KMT2C: variants seen among roughly 807,000 people sequenced by gnomAD.
The protein encoded by KMT2C is lysine methyltransferase 2C, also known as histone-lysine N-methyltransferase 2C.
KMT2C carries 88 observed loss-of-function variants against 507.9 expected under a neutral mutation model. The observed-to-expected ratio is 0.17, with a 90% confidence interval of 0.15 to 0.21. The LOEUF (loss-of-function observed/expected upper bound fraction) is 0.21. KMT2C is among the 10% of genes least tolerant of loss of function. The pLI, the probability that KMT2C is intolerant of heterozygous loss-of-function variation, is 1.00. For missense variants in KMT2C, 4,954 were observed against 5,957.8 expected, an observed-to-expected ratio of 0.83 and a Z score of 5.55; for synonymous variants, 2,049 against 2,080.8, an observed-to-expected ratio of 0.98 and a Z score of 0.42.
chr7:152,210,283 C>CA (rs1190967243), intron 23 of KMT2C, among the ~76,000 whole-genome samples: 1 of 152,166 alleles, frequency 6.6e-6, no homozygotes, highest in African/African-American at 2.4e-5. Context: ...CAAATCACCC[C>CA]ACTAAACTTA....
intron 3 of KMT2C, among the ~76,000 whole-genome samples, chr7:152,322,903 T>C (rs961043587): frequency 2.0e-5 from 3 of 151,968 alleles, no homozygotes; most frequent in African/African-American, 7.2e-5. Context: ...GGCCAACAGG[T>C]ACATGAGAAA....
intron 23 of KMT2C, among the ~76,000 whole-genome samples, 192 bp from the exon 24 acceptor site, chr7:152,207,620 C>A (rs2094344220): frequency 6.6e-6 from 1 of 152,026 alleles, no homozygotes; most frequent in African/African-American, 2.4e-5. Flanking sequence ...GTGCAGTGTT[C>A]CCATGAAATA....
At chr7:152,216,810 T>C (rs992361313) in intron 23 of KMT2C, among the ~76,000 whole-genome samples, 2 of 152,142 alleles carry the variant, frequency 1.3e-5, no homozygotes, top group Non-Finnish European at 2.9e-5. Flanking sequence ...AAGACAAGCA[T>C]GGGATTCTGT....
Position 152,398,906 on chromosome 7 carries a change from C to A in KMT2C, c.161+36720G>T, listed in dbSNP as rs1321234131. Among the ~76,000 whole-genome samples, 9 of 152,260 alleles carry A rather than the reference C, an allele frequency of 5.9e-5. No homozygotes were observed. In the East Asian group the frequency reaches 1.7e-3, roughly 29 times the overall value. ...GCAACAGCACAATCTTGACTCAATG[C>A]AACCTCCACCTCCTGGGCTCAAGGG... On this transcript the variant is annotated intron_variant, in intron 1 of 58. Transcript: ENST00000262189.
At chr7:152,357,423 C>G (rs933338666) in intron 2 of KMT2C, among the ~76,000 whole-genome samples, 1 of 152,058 alleles carries the variant, frequency 6.6e-6, no homozygotes, top group South Asian at 2.1e-4. Context: ...ATTAAGGAGG[C>G]TGACGCAGGA....
At chr7:152,265,509 A>T (rs1255440599) in intron 7 of KMT2C, among the ~76,000 whole-genome samples, 2 of 152,192 alleles carry the variant, frequency 1.3e-5, no homozygotes, top group African/African-American at 2.4e-5. Flanking sequence ...ATAATGCTGG[A>T]TACCTAATTA....
rs542942155 is a variant in KMT2C, at chr7:152,295,985, G to A, written c.849+13981C>T. ...CGGGAGGCTGAGGCAGGAGAATGGCGTGAACCCAGGAGACAGAGCTGGCAG... is the reference window on the plus strand; with the variant it reads ...CGGGAGGCTGAGGCAGGAGAATGGCATGAACCCAGGAGACAGAGCTGGCAG... On this transcript the variant is annotated intron_variant, in intron 6 of 58. Coordinates refer to ENST00000262189, the MANE Select transcript of KMT2C (RefSeq NM_170606.3). 2.1e-5 allele frequency among the ~76,000 whole-genome samples: 3 copies of A among 144,582 alleles called. 1 individual carries two copies. In the Admixed American group the frequency reaches 2.1e-4, roughly 10 times the overall value. The allele number at this position is 144,582 out of a possible 152,430, so 94.9% of individuals were successfully genotyped here.
Position 152,181,127 on chromosome 7 carries a change from G to A in KMT2C, c.6733C>T (p.Pro2245Ser), listed in dbSNP as rs2129119685. The A allele has an allele frequency of 6.2e-7, 1 of 1,614,186 alleles. No individual in the cohort carries two copies. Among genetic ancestry groups the A allele is most frequent in the South Asian group, 1.1e-5 (1 of 91,076 alleles). The stretch of plus-strand genomic sequence containing the variant: ...GCTTGCAGGAAAGGATCCTGATTTG[G>A]CATGAGGACTGGTCTTGTCATTGAG... ...RSSMTRPVLM[P>S]NQDPFLQAAQ... The change falls in exon 36 of 59, where the codon CCA (proline) becomes TCA (serine). Residue 2245 changes from proline to serine, a missense_variant. This residue lies in a region of KMT2C where 1,689 missense variants were observed against 1,654.3 expected (regional missense o/e 1.02). Transcript: ENST00000262189.
At chr7:152,360,676 A>C (rs1217807957) in intron 1 of KMT2C, among the ~76,000 whole-genome samples, 1 of 151,920 alleles carries the variant, frequency 6.6e-6, no homozygotes, top group Non-Finnish European at 1.5e-5. Flanking sequence ...ACTACTAAAA[A>C]AAATACAAAA....
chr7:152,169,770 G>A (rs2092880401), intron 40 of KMT2C, among the ~76,000 whole-genome samples: 1 of 152,158 alleles, frequency 6.6e-6, no homozygotes, highest in African/African-American at 2.4e-5. Flanking sequence ...GGCTACTTGG[G>A]AGGCTGAGGT....
intron 38 of KMT2C, among the ~76,000 whole-genome samples, chr7:152,175,268 C>T (rs1025954164): frequency 1.3e-5 from 2 of 151,918 alleles, no homozygotes; most frequent in African/African-American, 4.8e-5. Context: ...GCCTCTGTCT[C>T]CCGAATAACT....
intron 23 of KMT2C, among the ~76,000 whole-genome samples, chr7:152,217,154 T>C (rs1246746724): frequency 6.6e-6 from 1 of 152,110 alleles, no homozygotes; most frequent in East Asian, 1.9e-4. Flanking sequence ...TCACAAATTT[T>C]AGGTTTAATA....
chr7:152,389,870 A>T lies in KMT2C; in HGVS notation c.162-31195T>A, dbSNP rs181366389. Among the ~76,000 whole-genome samples, 11 of 152,342 alleles carry T rather than the reference A, an allele frequency of 7.2e-5. No homozygotes were observed. In the East Asian group the frequency reaches 1.9e-3, roughly 27 times the overall value. The stretch of plus-strand genomic sequence containing the variant: ...AAAGGTAAAAATATACAGCCATAAA[A>T]AAGAATGGAATCATGTCCTTCGCAG... On this transcript the variant is annotated intron_variant, in intron 1 of 58. Transcript: ENST00000262189.
chr7:152,214,558 T>G (rs1023165551), intron 23 of KMT2C, among the ~76,000 whole-genome samples: 9 of 152,234 alleles, frequency 5.9e-5, no homozygotes, highest in African/African-American at 1.9e-4. Context: ...TTTCCCCCTC[T>G]TAACCACAGT....
intron 3 of KMT2C, among the ~76,000 whole-genome samples, chr7:152,329,917 AG>A (rs1490875676): frequency 6.6e-6 from 1 of 152,004 alleles, no homozygotes; most frequent in African/African-American, 2.4e-5. Context: ...AAGCCGAGGC[AG>A]GTGGATCATG....
chr7:152,353,975 G>A (rs558651236), intron 2 of KMT2C, among the ~76,000 whole-genome samples: 2 of 143,094 alleles, frequency 1.4e-5, no homozygotes, highest in Admixed American at 6.7e-5. Flanking sequence ...AACTCTGTCT[G>A]GATTTGCAGG....
intron 1 of KMT2C, among the ~76,000 whole-genome samples, chr7:152,402,114 A>AAAAC (rs911760626): frequency 1.1e-5 from 1 of 88,578 alleles, no homozygotes; most frequent in Non-Finnish European, 2.3e-5. Context: ...CCGTCTCAAA[A>AAAAC]AAACAAACAA....
chr7:152,262,958 C>A, intron 9 of KMT2C, 58 bp downstream of exon 9: 1 of 1,287,316 alleles, frequency 7.8e-7, no homozygotes, highest in East Asian at 2.4e-5. Context: ...TCCGATTTGT[C>A]TGGTCTCCAT....
intron 3 of KMT2C, among the ~76,000 whole-genome samples, chr7:152,322,958 G>T (rs2096785504): frequency 6.6e-6 from 1 of 151,960 alleles, no homozygotes; most frequent in Non-Finnish European, 1.5e-5. Context: ...ATTAAAACAA[G>T]TATATATCAC....
Sources: gnomAD v4.1 joint callset for allele counts (sites outside exome capture counted in the v4.1 genomes callset) on GRCh38, gnomAD v4.1.1 for gene constraint, gnomAD v4.1.1 regional missense constraint, MANE v1.5 for transcripts, NCBI Gene and HGNC (gene_info 2026-07-23, HGNC 2026-07-21) for gene names.